SYNPO: variants seen among roughly 807,000 people sequenced by gnomAD.
SYNPO encodes the protein synaptopodin.
Under a neutral mutation model 49.5 loss-of-function variants are expected in SYNPO, and 19 were observed. The ratio of observed to expected loss-of-function variants is 0.38; its 90% CI spans 0.27 to 0.56. SYNPO has a LOEUF of 0.56. Ranked by LOEUF, SYNPO falls within the 20% of genes least tolerant of loss-of-function variation. The pLI is 0.68. For synonymous variants in SYNPO, 536 were observed against 548.0 expected (o/e 0.98, Z 0.31); for missense variants, 1,131 against 1,248.3 (o/e 0.91, Z 1.42).
At chr5:150,603,057 T>G (rs921607215) in intron 1 of SYNPO, among the ~76,000 whole-genome samples, 3 of 145,420 alleles carry the variant, frequency 2.1e-5, no homozygotes, top group African/African-American at 8.0e-5. Flanking sequence ...ATGCTGTGAG[T>G]GCTATGTGGG....
chr5:150,614,602 T>C (rs1284759349), intron 1 of SYNPO: 1 of 152,230 alleles, frequency 6.6e-6, no homozygotes, highest in Non-Finnish European at 1.5e-5. Context: ...CCCCTCTGGG[T>C]TCAGAGTTCT....
chr5:150,616,808 C>T (rs1756994396), intron 1 of SYNPO, among the ~76,000 whole-genome samples: 1 of 152,160 alleles, frequency 6.6e-6, no homozygotes, highest in Non-Finnish European at 1.5e-5. Flanking sequence ...CCAGTTCTTC[C>T]ACCCAAGTAT....
upstream of SYNPO, among the ~76,000 whole-genome samples, chr5:150,638,823 G>A (rs903571739): frequency 8.5e-5 from 13 of 152,362 alleles, no homozygotes; most frequent in African/African-American, 3.1e-4. Context: ...GTTTTCTCTG[G>A]AAAGGCAGGG....
At chr5:150,645,032 G>A (rs1467296383) in intron 1 of SYNPO, among the ~76,000 whole-genome samples, 2 of 152,204 alleles carry the variant, frequency 1.3e-5, no homozygotes, top group Non-Finnish European at 2.9e-5. Context: ...GAGCTGCTGT[G>A]ACGCTGCTGG....
exon 2 of SYNPO, chr5:150,618,607 C>T (rs376092747): frequency 1.7e-5 from 26 of 1,551,300 alleles, no homozygotes; most frequent in Middle Eastern, 1.7e-4. Flanking sequence ...CGCAGCTGCC[C>T]AAAGCCCTGG....
intron 2 of SYNPO, chr5:150,652,341 G>A (rs1198509998): frequency 8.1e-6 from 8 of 989,208 alleles, no homozygotes; most frequent in East Asian, 1.1e-4. Flanking sequence ...CCTCAAATCC[G>A]TCTTGCTTCT....
rs535298705 is a variant in SYNPO, at chr5:150,621,237, G to A, written c.400+2470G>A. Among the ~76,000 whole-genome samples the A allele has an allele frequency of 3.3e-4, 50 of 152,304 alleles. No individual in the cohort carries two copies. In the Middle Eastern group the frequency reaches 0.01, roughly 31 times the overall value. On this transcript the variant is annotated intron_variant, in intron 2 of 2. Coordinates refer to the SYNPO transcript ENST00000394243. Reference sequence around the variant, plus strand: ...CAAAGTGCTGGGATTATAGGCGTGAGCCACCGCACCAGGCCTCATTCCTTT... The same window carrying A: ...CAAAGTGCTGGGATTATAGGCGTGAACCACCGCACCAGGCCTCATTCCTTT...
chr5:150,652,481 G>A (rs1182465158), intron 2 of SYNPO: 5 of 880,350 alleles, frequency 5.7e-6, no homozygotes, highest in East Asian at 2.4e-4. Context: ...GCCTGCACCT[G>A]CCGTGTGTCT....
intron 2 of SYNPO, among the ~76,000 whole-genome samples, chr5:150,620,429 T>C (rs1757116517): frequency 6.6e-6 from 1 of 152,236 alleles, no homozygotes; most frequent in Non-Finnish European, 1.5e-5. Flanking sequence ...CATACTTTTA[T>C]TATTTTCATT....
chr5:150,642,237 C>T (rs1296614380), intron 1 of SYNPO, among the ~76,000 whole-genome samples: 3 of 152,196 alleles, frequency 2.0e-5, no homozygotes, highest in Non-Finnish European at 4.4e-5. Flanking sequence ...TCGCCTACTC[C>T]CCCACTTCAG....
Position 150,657,398 on chromosome 5 carries a change from G to GCA in SYNPO, c.*319_*320dup, listed in dbSNP as rs768682491. 135 of 329,588 alleles carry GCA rather than the reference G, an allele frequency of 4.1e-4. 2 individuals are homozygous for GCA. The highest frequency in any genetic ancestry group is 7.2e-4 in the South Asian group (18 of 25,078). 20.4% of individuals were successfully genotyped at this position (329,588 alleles called of 1,614,324 possible). ...CCTTCCCATCAGTACACACACCGAT[G>GCA]CACACACACTCTCTCTTTCTCTCTC... On this transcript the variant is annotated 3_prime_UTR_variant, in exon 3 of 3. Transcript: ENST00000307662.
intron 2 of SYNPO, chr5:150,651,830 T>A: frequency 9.0e-6 from 9 of 1,000,454 alleles, no homozygotes; most frequent in Non-Finnish European, 9.6e-6. Flanking sequence ...AGACTTCCCA[T>A]CGCCTCTGAC....
the SYNPO span, among the ~76,000 whole-genome samples, chr5:150,593,786 A>T: frequency 0.041 from 6,279 of 152,256 alleles, 355 homozygotes; most frequent in African/African-American, 0.13. Flanking sequence ...CAATAAAAAC[A>T]TTTGTGTCTG....
chr5:150,658,888 A>G lies in SYNPO; in HGVS notation c.*1801A>G, dbSNP rs1426094766. On this transcript the variant is annotated 3_prime_UTR_variant, in exon 3 of 3. Coordinates refer to ENST00000307662, the MANE Select transcript of SYNPO (RefSeq NM_007286.6). ...CTTACTCAGTTAATGATGAGTGACT[A>G]TATTTACCAAAGCCCCTACCTGCTG... 1.3e-5 allele frequency: 2 copies of G among 152,286 alleles called. No individual in the cohort carries two copies. Among genetic ancestry groups the G allele is most frequent in the African/African-American group, 4.8e-5 (2 of 41,394 alleles). 9.4% of individuals were successfully genotyped at this position (152,286 alleles called of 1,614,324 possible).
chr5:150,629,053 C>T (rs138057230), intron 2 of SYNPO, among the ~76,000 whole-genome samples: 8 of 152,232 alleles, frequency 5.3e-5, no homozygotes, highest in South Asian at 4.1e-4. Flanking sequence ...GAGTCTGACT[C>T]GGCCACCCAG....
At chr5:150,632,854 G>A (rs1040844503) in intron 2 of SYNPO, among the ~76,000 whole-genome samples, 20 of 152,112 alleles carry the variant, frequency 1.3e-4, no homozygotes, top group Non-Finnish European at 2.4e-4. Context: ...GATTACATTC[G>A]GGACTCCCAG....
chr5:150,652,153 T>C, intron 2 of SYNPO: 1 of 1,002,030 alleles, frequency 1.0e-6, no homozygotes. Context: ...GTGAGTGAGC[T>C]CAGCTCCTTC....
chr5:150,657,168 TC>T lies in SYNPO; in HGVS notation c.*82del. 1 of 1,417,250 alleles carries T rather than the reference TC, an allele frequency of 7.1e-7. No homozygotes were observed. Among genetic ancestry groups the T allele is most frequent in the Non-Finnish European group, 9.4e-7 (1 of 1,059,152 alleles). 87.8% of individuals were successfully genotyped at this position (1,417,250 alleles called of 1,614,324 possible). On this transcript the variant is annotated 3_prime_UTR_variant, in exon 3 of 3. Transcript: ENST00000307662. ...CCTGGGGGACCCAAAGGGTCTGGCC[TC>T]TTTGGGCAGCCCCAGAGATGAGGGG... is the stretch of plus-strand genomic sequence containing the variant.
exon 2 of SYNPO, chr5:150,618,708 G>C (rs1162919269): frequency 6.5e-7 from 1 of 1,549,958 alleles, no homozygotes; most frequent in African/African-American, 1.4e-5. Flanking sequence ...GTGAAGGCCG[G>C]GCAGATGATG....
Sources: gnomAD v4.1 joint callset for allele counts (sites outside exome capture counted in the v4.1 genomes callset) on GRCh38, gnomAD v4.1.1 for gene constraint, MANE v1.5 for transcripts, NCBI Gene and HGNC (gene_info 2026-07-23, HGNC 2026-07-21) for gene names.